Variants in DSCAM observed in about 807,000 individuals in gnomAD.
DSCAM encodes the protein DS cell adhesion molecule, also known as cell adhesion molecule DSCAM.
Under a neutral mutation model 217.7 loss-of-function variants are expected in DSCAM, and 47 were observed. That is an observed-to-expected ratio of 0.22 (90% CI 0.17 to 0.28). DSCAM has a LOEUF of 0.28. Ranked by LOEUF, DSCAM falls within the 10% of genes least tolerant of loss-of-function variation. The probability of loss-of-function intolerance (pLI) is 1.00; values close to 1 mark genes in which losing one functional copy is unlikely to be tolerated. For missense variants in DSCAM, 2,080 were observed against 2,618.3 expected (o/e 0.79, Z 4.49); for synonymous variants, 1,056 against 1,015.3 (o/e 1.04, Z -0.76).
At chr21:40,079,663 C>T (rs1442222829) in intron 25 of DSCAM, among the ~76,000 whole-genome samples, 1 of 152,088 alleles carries the variant, frequency 6.6e-6, no homozygotes, top group African/African-American at 2.4e-5. Flanking sequence ...GACAAAACCT[C>T]TTTCTCTGAA....
intron 6 of DSCAM, among the ~76,000 whole-genome samples, chr21:40,343,064 T>C (rs977622571): frequency 6.6e-6 from 1 of 152,178 alleles, no homozygotes; most frequent in Admixed American, 6.5e-5. Flanking sequence ...ATCTTATGTT[T>C]TATGTTATTG....
chr21:40,172,082 A>G (rs1481186028), intron 15 of DSCAM, among the ~76,000 whole-genome samples: 1 of 152,240 alleles, frequency 6.6e-6, no homozygotes, highest in Non-Finnish European at 1.5e-5. Context: ...CAGCCTTGCC[A>G]ACATGGTGAA....
intron 3 of DSCAM, among the ~76,000 whole-genome samples, chr21:40,626,921 A>C (rs2089608844): frequency 6.6e-6 from 1 of 152,238 alleles, no homozygotes; most frequent in Admixed American, 6.5e-5. Context: ...AACTTGATTC[A>C]TAAGAAAGCA....
At chr21:40,241,290 A>C (rs1435024632) in intron 11 of DSCAM, among the ~76,000 whole-genome samples, 1 of 152,214 alleles carries the variant, frequency 6.6e-6, no homozygotes, top group Admixed American at 6.5e-5. Context: ...CAAATTTACA[A>C]GGGAAAAACA....
intron 3 of DSCAM, among the ~76,000 whole-genome samples, chr21:40,654,002 G>A (rs1048214895): frequency 6.6e-6 from 1 of 151,902 alleles, no homozygotes; most frequent in Non-Finnish European, 1.5e-5. Flanking sequence ...GGCTAAGGGA[G>A]GAGAATTGCT....
intron 16 of DSCAM, among the ~76,000 whole-genome samples, chr21:40,159,134 T>C (rs765910337): frequency 3.9e-5 from 6 of 152,196 alleles, no homozygotes; most frequent in Non-Finnish European, 7.3e-5. Context: ...CGAGTTGCCA[T>C]AATAATAACA....
At chr21:40,289,501 T>G (rs2073865321) in intron 10 of DSCAM, among the ~76,000 whole-genome samples, 1 of 152,200 alleles carries the variant, frequency 6.6e-6, no homozygotes, top group Admixed American at 6.5e-5. Context: ...CATTTTCACT[T>G]TCCATGGTTT....
chr21:40,101,193 A>G (rs1227850542), intron 20 of DSCAM, among the ~76,000 whole-genome samples: 7 of 152,322 alleles, frequency 4.6e-5, no homozygotes, highest in East Asian at 3.9e-4. Flanking sequence ...TGCATCTGTC[A>G]TATATTCCTC....
chr21:40,789,488 T>A (rs558737614), intron 1 of DSCAM, among the ~76,000 whole-genome samples: 1 of 152,254 alleles, frequency 6.6e-6, no homozygotes, highest in African/African-American at 2.4e-5. Context: ...TAGCAGCTGC[T>A]TCATTATGTC....
intron 3 of DSCAM, among the ~76,000 whole-genome samples, chr21:40,453,439 T>C (rs1362597553): frequency 1.3e-5 from 2 of 152,168 alleles, no homozygotes; most frequent in Admixed American, 6.5e-5. Context: ...TGACTTTATG[T>C]CCTCAATGCA....
Position 40,422,670 on chromosome 21 carries a change from A to G in DSCAM, c.509-53425T>C, listed in dbSNP as rs368032385. On this transcript the variant is annotated intron_variant, in intron 3 of 32. Coordinates refer to ENST00000400454, the MANE Select transcript of DSCAM (RefSeq NM_001389.5). ...AACAACAACAAAAAAGTTGACATGT[A>G]AAGTCTATTTTTTAAAAAATGTATA... Among the ~76,000 whole-genome samples, 30 of 152,326 alleles carry G rather than the reference A, an allele frequency of 2.0e-4. No individual in the cohort carries two copies. In the South Asian group the frequency reaches 6.2e-3, roughly 32 times the overall value.
intron 16 of DSCAM, among the ~76,000 whole-genome samples, chr21:40,149,668 A>T (rs2090402209): frequency 6.9e-6 from 1 of 145,700 alleles, no homozygotes; most frequent in Non-Finnish European, 1.5e-5. Context: ...TCGCTCCATC[A>T]CTATCCCAAC....
intron 18 of DSCAM, 23 bp from the exon 19 acceptor site, chr21:40,134,032 C>T (rs771128506): frequency 6.3e-6 from 10 of 1,595,422 alleles, no homozygotes; most frequent in Non-Finnish European, 8.5e-6. Context: ...AACAAGAAAA[C>T]AAAATCCCAC....
intron 3 of DSCAM, among the ~76,000 whole-genome samples, chr21:40,486,155 CT>C (rs1366790971): frequency 6.6e-6 from 1 of 152,204 alleles, no homozygotes; most frequent in African/African-American, 2.4e-5. Flanking sequence ...GGAGAGACCC[CT>C]ATCCACTCAG....
chr21:40,397,285 G>A (rs1230033515), intron 3 of DSCAM, among the ~76,000 whole-genome samples: 2 of 151,926 alleles, frequency 1.3e-5, no homozygotes, highest in Admixed American at 6.6e-5. Flanking sequence ...GGATCATGAG[G>A]GTCACTCCCT....
intron 3 of DSCAM, among the ~76,000 whole-genome samples, chr21:40,606,423 T>C (rs2089239325): frequency 6.6e-6 from 1 of 152,258 alleles, no homozygotes; most frequent in African/African-American, 2.4e-5. Flanking sequence ...CTTTAAAATG[T>C]TTAGTGTTGG....
At chr21:40,058,940 A>G (rs942088238) in intron 28 of DSCAM, among the ~76,000 whole-genome samples, 18 of 152,242 alleles carry the variant, frequency 1.2e-4, no homozygotes, top group Non-Finnish European at 1.9e-4. Flanking sequence ...ATCTTCAACC[A>G]TCCATTTATT....
intron 4 of DSCAM, among the ~76,000 whole-genome samples, 190 bp from the exon 5 acceptor site, chr21:40,353,933 C>CAAAAGGGAG (rs1313066735): frequency 6.6e-6 from 1 of 152,140 alleles, no homozygotes; most frequent in Non-Finnish European, 1.5e-5. Flanking sequence ...TCAGAATTTA[C>CAAAAGGGAG]AAAAGGTTGA....
chr21:40,397,993 C>G (rs754813212), intron 3 of DSCAM, among the ~76,000 whole-genome samples: 2 of 152,182 alleles, frequency 1.3e-5, no homozygotes, highest in Non-Finnish European at 2.9e-5. Flanking sequence ...ACTCTAAGAG[C>G]ACCCGGAGCA....
Sources: allele counts gnomAD v4.1 joint callset (sites outside exome capture counted in the v4.1 genomes callset), GRCh38; gene constraint gnomAD v4.1.1; transcripts MANE v1.5; gene names NCBI Gene and HGNC (gene_info 2026-07-23, HGNC 2026-07-21).